The following AGBL4 variants were observed in gnomAD, a reference collection of about 807,000 sequenced individuals.
The protein encoded by AGBL4 is cytosolic carboxypeptidase 6.
In AGBL4, 58 loss-of-function variants were observed where a neutral mutation model predicts 66.4. The observed-to-expected ratio is 0.87, with a 90% CI of 0.71 to 1.09. The LOEUF (loss-of-function observed/expected upper bound fraction) is 1.09, where lower values mean the gene tolerates loss of function less well. AGBL4 is among the 50% of genes least tolerant of loss of function. The probability of loss-of-function intolerance (pLI) is 0.00; values close to 1 mark genes in which losing one functional copy is unlikely to be tolerated. For synonymous variants in AGBL4, 234 were observed against 222.9 expected, an observed-to-expected ratio of 1.05 and a Z score of -0.44; for missense variants, 579 against 631.0, an observed-to-expected ratio of 0.92 and a Z score of 0.88.
intron 4 of AGBL4, among the ~76,000 whole-genome samples, chr1:49,053,835 T>C (rs1644263564): frequency 6.6e-6 from 1 of 152,160 alleles, no homozygotes; most frequent in Admixed American, 6.5e-5. Flanking sequence ...TATAAAACAT[T>C]TGTCAGTGTT....
intron 3 of AGBL4, among the ~76,000 whole-genome samples, chr1:49,421,327 T>C (rs1035637736): frequency 1.3e-5 from 2 of 151,572 alleles, no homozygotes; most frequent in African/African-American, 4.8e-5. Context: ...AATGACTCTG[T>C]TGTCTTCAAA....
chr1:49,812,418 T>G (rs1416486358), intron 2 of AGBL4, among the ~76,000 whole-genome samples: 1 of 152,146 alleles, frequency 6.6e-6, no homozygotes, highest in Non-Finnish European at 1.5e-5. Context: ...ACTTGTAGAT[T>G]TGGAGACAGA....
intron 4 of AGBL4, among the ~76,000 whole-genome samples, chr1:49,107,576 C>A (rs1334683264): frequency 6.6e-6 from 1 of 151,776 alleles, no homozygotes; most frequent in Non-Finnish European, 1.5e-5. Flanking sequence ...TCCATCTCCC[C>A]AAATCTTCAG....
In AGBL4 at chr1:49,973,151, G is replaced by A. The variant is rs562475395; in HGVS notation, c.34+50612C>T. ...TTTGAGTGGATACAGCTCTTTGCCA[G>A]GGTTCACAGGTTGGCAAGCCAAACA... On this transcript the variant is annotated intron_variant, in intron 1 of 13. Transcript: ENST00000371839. Among the ~76,000 whole-genome samples the A allele has an allele frequency of 1.2e-4, 18 of 152,226 alleles. No homozygotes were observed. The South Asian group carries it at 3.7e-3, about 32-fold the overall frequency.
chr1:49,666,062 A>C (rs1646361328), intron 3 of AGBL4, among the ~76,000 whole-genome samples: 1 of 151,846 alleles, frequency 6.6e-6, no homozygotes, highest in Admixed American at 6.6e-5. Context: ...ACCTGGCATC[A>C]AGCAATCCTC....
rs1646938070 is a variant in AGBL4, at chr1:49,694,073, T to TTG, written c.282+3239_282+3240insCA. Among the ~76,000 whole-genome samples the TTG allele has an allele frequency of 2.6e-5, 4 of 152,306 alleles. No individual in the cohort carries two copies. In the South Asian group the frequency reaches 8.3e-4, roughly 32 times the overall value. On this transcript the variant is annotated intron_variant, in intron 3 of 13. Coordinates refer to ENST00000371839, the MANE Select transcript of AGBL4 (RefSeq NM_032785.4). ...ATACAACGCAAAAGCTAGACCTGTT[T>TTG]ATACAATATATTTGATGCTGCAATT... is the stretch of plus-strand genomic sequence containing the variant.
intron 2 of AGBL4, among the ~76,000 whole-genome samples, chr1:49,712,583 G>A (rs1647757636): frequency 6.6e-6 from 1 of 151,848 alleles, no homozygotes; most frequent in African/African-American, 2.4e-5. Flanking sequence ...AAAATTTGCT[G>A]AGAGTAGATT....
At chr1:49,682,849 T>C (rs1460818953) in intron 3 of AGBL4, among the ~76,000 whole-genome samples, 1 of 152,238 alleles carries the variant, frequency 6.6e-6, no homozygotes. Context: ...AGACAAATTT[T>C]ACCCTCATAG....
chr1:49,616,784 A>G (rs1645256739), intron 3 of AGBL4, among the ~76,000 whole-genome samples: 1 of 152,132 alleles, frequency 6.6e-6, no homozygotes, highest in Non-Finnish European at 1.5e-5. Context: ...CAGATAAAAA[A>G]CTTTGATGCC....
intron 6 of AGBL4, among the ~76,000 whole-genome samples, chr1:48,746,751 C>T (rs1034022147): frequency 1.3e-5 from 2 of 152,194 alleles, no homozygotes; most frequent in African/African-American, 4.8e-5. Context: ...AGCTTTCCTA[C>T]CTGCAAAATG....
chr1:49,556,040 A>G (rs1653415386), intron 3 of AGBL4, among the ~76,000 whole-genome samples: 1 of 152,208 alleles, frequency 6.6e-6, no homozygotes, highest in Non-Finnish European at 1.5e-5. Context: ...TATATACCCA[A>G]AGGATTATAA....
chr1:48,897,450 A>G (rs1375443764), intron 5 of AGBL4, among the ~76,000 whole-genome samples: 1 of 152,228 alleles, frequency 6.6e-6, no homozygotes, highest in Non-Finnish European at 1.5e-5. Context: ...GGGAGTACAG[A>G]TATCTTTTTG....
At chr1:49,683,492 A>T (rs1451717201) in intron 3 of AGBL4, among the ~76,000 whole-genome samples, 1 of 152,202 alleles carries the variant, frequency 6.6e-6, no homozygotes, top group East Asian at 1.9e-4. Flanking sequence ...TAAATAAGAA[A>T]TTATTAAGTC....
At chr1:49,721,142 G>T (rs550976098) in intron 2 of AGBL4, among the ~76,000 whole-genome samples, 1 of 152,160 alleles carries the variant, frequency 6.6e-6, no homozygotes, top group African/African-American at 2.4e-5. Flanking sequence ...CAATCAGAAA[G>T]ATCCTCAAAG....
At chr1:49,801,847 G>T (rs1467642006) in intron 2 of AGBL4, among the ~76,000 whole-genome samples, 1 of 152,200 alleles carries the variant, frequency 6.6e-6, no homozygotes. Context: ...GTCTCTTCAA[G>T]TGGCCTGCAC....
intron 6 of AGBL4, among the ~76,000 whole-genome samples, chr1:48,782,893 C>T (rs1645329959): frequency 6.6e-6 from 1 of 152,162 alleles, no homozygotes; most frequent in South Asian, 2.1e-4. Context: ...ACTTCACTGT[C>T]TTAAAAATCC....
At chr1:49,928,418 T>G (rs991518715) in intron 1 of AGBL4, among the ~76,000 whole-genome samples, 1 of 152,064 alleles carries the variant, frequency 6.6e-6, no homozygotes, top group East Asian at 1.9e-4. Flanking sequence ...GCCCAGCTAG[T>G]TTTTGTATTT....
chr1:49,498,186 G>A (rs1465193417), intron 3 of AGBL4, among the ~76,000 whole-genome samples: 4 of 151,882 alleles, frequency 2.6e-5, no homozygotes, highest in African/African-American at 9.7e-5. Flanking sequence ...ATTAGTAAGT[G>A]TGTAGAAACT....
At chr1:49,887,669 A>C (rs1213464203) in intron 1 of AGBL4, among the ~76,000 whole-genome samples, 1 of 152,168 alleles carries the variant, frequency 6.6e-6, no homozygotes, top group Non-Finnish European at 1.5e-5. Flanking sequence ...TTGTCCAATA[A>C]AACTGGACAG....
Sources: allele counts gnomAD v4.1 joint callset (sites outside exome capture counted in the v4.1 genomes callset), GRCh38; gene constraint gnomAD v4.1.1; transcripts MANE v1.5; gene names NCBI Gene and HGNC (gene_info 2026-07-23, HGNC 2026-07-21).